GPC5: variants seen among roughly 807,000 people sequenced by gnomAD.
GPC5 encodes the protein glypican-5.
A neutral mutation model predicts 53.9 loss-of-function variants in GPC5; 47 were observed. The observed-to-expected ratio is 0.87, with a 90% CI of 0.69 to 1.11. The LOEUF is 1.11. Ranked by LOEUF, GPC5 falls within the 50% of genes most tolerant of loss-of-function variation. GPC5 has a pLI of 0.00. For synonymous variants in GPC5, 286 were observed against 263.3 expected, an observed-to-expected ratio of 1.09 and a Z score of -0.84; for missense variants, 748 against 713.1, an observed-to-expected ratio of 1.05 and a Z score of -0.56.
intron 7 of GPC5, among the ~76,000 whole-genome samples, chr13:92,814,952 C>T (rs1877417560): frequency 6.6e-6 from 1 of 151,778 alleles, no homozygotes; most frequent in Admixed American, 6.6e-5. Flanking sequence ...TCGCAAACCA[C>T]ATTTTGAAAA....
At chr13:92,016,394 G>A (rs1594725350) in intron 6 of GPC5, among the ~76,000 whole-genome samples, 1 of 152,260 alleles carries the variant, frequency 6.6e-6, no homozygotes, top group East Asian at 1.9e-4. Context: ...TTATCTAAAG[G>A]CTCACAGCTA....
intron 4 of GPC5, among the ~76,000 whole-genome samples, chr13:91,743,101 T>C (rs2036971905): frequency 6.6e-6 from 1 of 152,124 alleles, no homozygotes; most frequent in Non-Finnish European, 1.5e-5. Context: ...TGTGAATAAA[T>C]TATCCTTATC....
At chr13:92,064,914 C>CT (rs34798034) in intron 6 of GPC5, among the ~76,000 whole-genome samples, 65,501 of 151,396 alleles carry the variant, frequency 0.43, 14,524 homozygotes, top group Admixed American at 0.5. Context: ...TTAAATAATC[C>CT]TTTTTTTATG....
intron 6 of GPC5, among the ~76,000 whole-genome samples, chr13:92,111,906 A>C (rs781450359): frequency 8.5e-5 from 13 of 152,230 alleles, no homozygotes; most frequent in Non-Finnish European, 1.3e-4. Flanking sequence ...ATATGAATGC[A>C]ATGCTAAGTA....
chr13:92,298,370 A>G (rs535812774), intron 7 of GPC5, among the ~76,000 whole-genome samples: 1 of 152,266 alleles, frequency 6.6e-6, no homozygotes, highest in South Asian at 2.1e-4. Flanking sequence ...AATTGTTACA[A>G]AATTCAACCG....
chr13:92,752,993 T>G (rs1874658926), intron 7 of GPC5, among the ~76,000 whole-genome samples: 1 of 152,076 alleles, frequency 6.6e-6, no homozygotes, highest in Non-Finnish European at 1.5e-5. Flanking sequence ...CCACCACAGC[T>G]CAGGGAGGCC....
At chr13:92,232,297 G>A (rs758177772) in intron 7 of GPC5, among the ~76,000 whole-genome samples, 19 of 151,962 alleles carry the variant, frequency 1.3e-4, no homozygotes, top group Admixed American at 3.3e-4. Flanking sequence ...GTGTGGGGGC[G>A]GCTGTTATTG....
chr13:92,319,126 A>G (rs1464031111), intron 7 of GPC5, among the ~76,000 whole-genome samples: 1 of 152,094 alleles, frequency 6.6e-6, no homozygotes, highest in Non-Finnish European at 1.5e-5. Flanking sequence ...CCAGGGCAGC[A>G]GTATAAACAT....
intron 5 of GPC5, among the ~76,000 whole-genome samples, chr13:91,881,318 T>G (rs1372460607): frequency 6.6e-6 from 1 of 152,070 alleles, no homozygotes; most frequent in African/African-American, 2.4e-5. Flanking sequence ...TTCTTTAAGA[T>G]TCTAATTTAT....
chr13:92,097,013 T>A (rs1441486052), intron 6 of GPC5, among the ~76,000 whole-genome samples: 1 of 152,118 alleles, frequency 6.6e-6, no homozygotes, highest in Non-Finnish European at 1.5e-5. Flanking sequence ...AGAAGCATGA[T>A]AGAGAAAAAC....
At chr13:92,583,998 C>T (rs545326313) in intron 7 of GPC5, among the ~76,000 whole-genome samples, 26 of 152,264 alleles carry the variant, frequency 1.7e-4, no homozygotes, top group South Asian at 1.0e-3. Context: ...CCCAGCCACA[C>T]GGAACTGTAA....
chr13:91,499,964 C>G (rs1884524369), intron 2 of GPC5, among the ~76,000 whole-genome samples: 3 of 152,186 alleles, frequency 2.0e-5, no homozygotes, highest in Admixed American at 6.5e-5. Context: ...GTCTTGTATT[C>G]TGGAGTCCTT....
chr13:92,190,614 C>T (rs2042216558), intron 7 of GPC5, among the ~76,000 whole-genome samples: 1 of 152,014 alleles, frequency 6.6e-6, no homozygotes, highest in Non-Finnish European at 1.5e-5. Flanking sequence ...AAAGTAATTG[C>T]ACTGCTTGTG....
chr13:91,503,817 A>AATAATAATAATCATCATC lies in GPC5; in HGVS notation c.325+54897_325+54898insAATAATAATCATCATCAT, dbSNP rs1555316221. On this transcript the variant is annotated intron_variant, in intron 2 of 7. Coordinates refer to ENST00000377067, the MANE Select transcript of GPC5 (RefSeq NM_004466.6). ...TAATAATAATAATAATAATAATAATAATCAGGCTGTTGTGGCACATTAGGG... is the reference window on the plus strand; with the variant it reads ...TAATAATAATAATAATAATAATAATAATAATAATAATCATCATCATCAGGCTGTTGTGGCACATTAGGG... Among the ~76,000 whole-genome samples, 14 of 147,414 alleles carry AATAATAATAATCATCATC rather than the reference A, an allele frequency of 9.5e-5. No individual in the cohort carries two copies. The Admixed American group carries it at 9.5e-4, about 10-fold the overall frequency.
chr13:91,777,653 A>T (rs899801607), intron 5 of GPC5, among the ~76,000 whole-genome samples: 2 of 152,216 alleles, frequency 1.3e-5, no homozygotes, highest in East Asian at 1.9e-4. Flanking sequence ...TTAAATTAAA[A>T]AATGTCCTTG....
chr13:91,960,349 C>T (rs1266784963), intron 6 of GPC5, among the ~76,000 whole-genome samples: 1 of 151,708 alleles, frequency 6.6e-6, no homozygotes. Flanking sequence ...AAATAAAATA[C>T]TTAGTAATAA....
intron 7 of GPC5, among the ~76,000 whole-genome samples, chr13:92,203,678 A>C (rs2042312254): frequency 2.0e-5 from 3 of 150,276 alleles, no homozygotes. Context: ...AAATAAAACC[A>C]AAATAATCTC....
chr13:92,353,367 T>A (rs2043496960), intron 7 of GPC5, among the ~76,000 whole-genome samples: 1 of 151,636 alleles, frequency 6.6e-6, no homozygotes, highest in African/African-American at 2.4e-5. Context: ...AATATAATGG[T>A]ACACAACAAC....
chr13:92,143,375 T>G (rs1016333953), intron 6 of GPC5, among the ~76,000 whole-genome samples: 2 of 152,166 alleles, frequency 1.3e-5, no homozygotes, highest in Non-Finnish European at 2.9e-5. Context: ...ATCCTTTCCT[T>G]TTTAGATTTG....
Sources: gnomAD v4.1 joint callset for allele counts (sites outside exome capture counted in the v4.1 genomes callset) on GRCh38, gnomAD v4.1.1 for gene constraint, MANE v1.5 for transcripts, NCBI Gene and HGNC (gene_info 2026-07-23, HGNC 2026-07-21) for gene names.